The following NTRK2 variants were observed in gnomAD, a reference collection of about 807,000 sequenced individuals.
The protein encoded by NTRK2 is BDNF/NT-3 growth factors receptor.
Under a neutral mutation model 94.5 loss-of-function variants are expected in NTRK2, and 13 were observed. That is an observed-to-expected ratio of 0.14 (90% CI 0.09 to 0.22). The LOEUF is 0.22. NTRK2 is among the 10% of genes least tolerant of loss of function. The probability of loss-of-function intolerance (pLI) is 1.00; values close to 1 mark genes in which losing one functional copy is unlikely to be tolerated. For missense variants in NTRK2, 639 were observed against 1,071.2 expected (o/e 0.60, Z 5.63); for synonymous variants, 372 against 407.4 (o/e 0.91, Z 1.05).
intron 14 of NTRK2, among the ~76,000 whole-genome samples, chr9:84,910,518 T>C (rs530129457): frequency 2.0e-5 from 3 of 152,314 alleles, no homozygotes; most frequent in African/African-American, 4.8e-5. Flanking sequence ...ATTTAAGGCC[T>C]ACTCTAATCC....
At chr9:84,820,125 C>T (rs2072692294) in intron 12 of NTRK2, among the ~76,000 whole-genome samples, 6 of 151,432 alleles carry the variant, frequency 4.0e-5, no homozygotes, top group Admixed American at 3.9e-4. Flanking sequence ...TTGACTGCCC[C>T]AAAACTTAAC....
intron 14 of NTRK2, among the ~76,000 whole-genome samples, chr9:84,883,221 A>C (rs1210209759): frequency 6.6e-6 from 1 of 152,226 alleles, no homozygotes; most frequent in Non-Finnish European, 1.5e-5. Flanking sequence ...GTTCCAGGTT[A>C]GACCCATTGT....
At chr9:84,748,668 C>T (rs528859732) in intron 11 of NTRK2, among the ~76,000 whole-genome samples, 12 of 152,312 alleles carry the variant, frequency 7.9e-5, no homozygotes, top group Admixed American at 2.6e-4. Flanking sequence ...TAACCTCCCC[C>T]ATCGCAGTTT....
Position 85,026,247 on chromosome 9 carries a change from G to A in NTRK2, c.*4810G>A, listed in dbSNP as rs750261900. The A allele has an allele frequency of 3.9e-5, 9 of 230,400 alleles. No individual in the cohort carries two copies. The highest frequency in any genetic ancestry group is 1.8e-4 in the South Asian group (1 of 5,496). The allele number at this position is 230,400 out of a possible 1,614,324, so 14.3% of individuals were successfully genotyped here. On this transcript the variant is annotated 3_prime_UTR_variant, in exon 19 of 19. Transcript: ENST00000277120. The stretch of plus-strand genomic sequence containing the variant: ...CATCTTAACATACATCTCAGGAGAC[G>A]AAATGAGAAAAGATGGGGATGTCAT...
intron 12 of NTRK2, among the ~76,000 whole-genome samples, chr9:84,860,367 C>T (rs573050392): frequency 3.3e-5 from 5 of 152,136 alleles, no homozygotes; most frequent in Non-Finnish European, 7.3e-5. Context: ...GCCTACTGGA[C>T]CTTGTGTTCT....
chr9:84,924,251 GA>G (rs1422130585), intron 14 of NTRK2, among the ~76,000 whole-genome samples: 38 of 148,478 alleles, frequency 2.6e-4, no homozygotes, highest in African/African-American at 9.1e-4. Context: ...AAGAAAGAAA[GA>G]AAGAAAGAAA....
intron 12 of NTRK2, among the ~76,000 whole-genome samples, chr9:84,807,039 A>G (rs1043318522): frequency 2.5e-4 from 38 of 152,174 alleles, no homozygotes; most frequent in African/African-American, 8.0e-4. Context: ...AACTCTCCCA[A>G]TGACAAATGT....
intron 17 of NTRK2, among the ~76,000 whole-genome samples, chr9:85,002,821 A>G (rs7035804): frequency 0.73 from 111,142 of 152,126 alleles, 41,256 homozygotes; most frequent in African/African-American, 0.82. Context: ...ACAGAGAAGA[A>G]TCTCACCATG....
chr9:84,978,841 A>T (rs1175740218), intron 17 of NTRK2, among the ~76,000 whole-genome samples: 1 of 152,238 alleles, frequency 6.6e-6, no homozygotes, highest in Non-Finnish European at 1.5e-5. Context: ...TTCCAAAAAT[A>T]CTAGGGCCTT....
intron 14 of NTRK2, among the ~76,000 whole-genome samples, chr9:84,900,797 G>A (rs978370178): frequency 7.9e-5 from 12 of 152,110 alleles, no homozygotes; most frequent in African/African-American, 1.4e-4. Flanking sequence ...TCATTGTATC[G>A]ATTCATTTAA....
chr9:85,018,365 T>A (rs1009076739), intron 17 of NTRK2, among the ~76,000 whole-genome samples: 1 of 152,198 alleles, frequency 6.6e-6, no homozygotes, highest in African/African-American at 2.4e-5. Context: ...TTTGAAAATG[T>A]GTGTGCCAAA....
intron 12 of NTRK2, among the ~76,000 whole-genome samples, chr9:84,827,681 C>T (rs938811457): frequency 6.6e-6 from 1 of 152,164 alleles, no homozygotes; most frequent in African/African-American, 2.4e-5. Flanking sequence ...AAACATTTTT[C>T]AAATGTCTGA....
chr9:84,878,221 T>A (rs1434771599), intron 14 of NTRK2, among the ~76,000 whole-genome samples: 5 of 152,312 alleles, frequency 3.3e-5, no homozygotes, highest in Non-Finnish European at 5.9e-5. Flanking sequence ...GCAAAAGATC[T>A]ATGAAGAAAA....
chr9:84,936,738 T>C (rs1436075915), intron 15 of NTRK2, among the ~76,000 whole-genome samples: 1 of 152,192 alleles, frequency 6.6e-6, no homozygotes, highest in Non-Finnish European at 1.5e-5. Flanking sequence ...CTTGTTGAAA[T>C]TCAAATGAAA....
intron 12 of NTRK2, among the ~76,000 whole-genome samples, chr9:84,824,545 A>G (rs2073061005): frequency 6.6e-6 from 1 of 152,196 alleles, no homozygotes; most frequent in Non-Finnish European, 1.5e-5. Flanking sequence ...GCCCAACAGG[A>G]GCAAGAAAGG....
chr9:84,698,799 C>G (rs909426717), intron 2 of NTRK2, among the ~76,000 whole-genome samples: 15 of 152,134 alleles, frequency 9.9e-5, no homozygotes, highest in African/African-American at 3.6e-4. Flanking sequence ...AGATAAGCAA[C>G]TTTTCATGTT....
intron 17 of NTRK2, among the ~76,000 whole-genome samples, chr9:84,983,036 A>G (rs1827850581): frequency 6.6e-6 from 1 of 152,094 alleles, no homozygotes; most frequent in Non-Finnish European, 1.5e-5. Context: ...GATACTTAAT[A>G]TTCTGACCCT....
chr9:84,798,886 T>C (rs1347397635), intron 12 of NTRK2, among the ~76,000 whole-genome samples: 1 of 144,446 alleles, frequency 6.9e-6, no homozygotes, highest in African/African-American at 2.6e-5. Flanking sequence ...ACTGAACACC[T>C]GCTATATGCC....
chr9:84,693,994 T>A (rs1342412838), intron 2 of NTRK2, among the ~76,000 whole-genome samples: 1 of 152,228 alleles, frequency 6.6e-6, no homozygotes, highest in Admixed American at 6.5e-5. Context: ...CTAAAAAGTA[T>A]CCCTGTTCTT....
Sources: gnomAD v4.1 joint callset for allele counts (sites outside exome capture counted in the v4.1 genomes callset) on GRCh38, gnomAD v4.1.1 for gene constraint, MANE v1.5 for transcripts, NCBI Gene and HGNC (gene_info 2026-07-23, HGNC 2026-07-21) for gene names.